The following KLF15 variants were observed in gnomAD, a reference collection of about 807,000 sequenced individuals.
The protein encoded by KLF15 is Krueppel-like factor 15.
KLF15 carries 4 observed loss-of-function variants against 24.6 expected under a neutral mutation model. The ratio of observed to expected loss-of-function variants is 0.16; its 90% CI spans 0.08 to 0.37. KLF15 has a LOEUF of 0.37. Ranked by LOEUF, KLF15 falls within the 10% of genes least tolerant of loss-of-function variation. The pLI is 1.00. For synonymous variants in KLF15, 246 were observed against 236.3 expected, an observed-to-expected ratio of 1.04 and a Z score of -0.37; for missense variants, 496 against 560.6, an observed-to-expected ratio of 0.88 and a Z score of 1.16.
chr3:126,300,000 C>T, the KLF15 span, among the ~76,000 whole-genome samples: 3 of 152,070 alleles, frequency 2.0e-5, no homozygotes, highest in Non-Finnish European at 2.9e-5. Flanking sequence ...ATGGGGTGTA[C>T]GTGCCCCCAC....
chr3:126,291,736 C>T, the KLF15 span, among the ~76,000 whole-genome samples: 1 of 152,248 alleles, frequency 6.6e-6, no homozygotes, highest in East Asian at 1.9e-4. Context: ...CTGTGGCTTG[C>T]TGATCAGCTG....
At chr3:126,312,583 G>A in the KLF15 span, among the ~76,000 whole-genome samples, 1,164 of 152,292 alleles carry the variant, frequency 7.6e-3, 9 homozygotes, top group African/African-American at 0.026. Flanking sequence ...CCAGCAATGC[G>A]CTAAGTGCTT....
the KLF15 span, among the ~76,000 whole-genome samples, chr3:126,311,953 C>T: frequency 6.6e-6 from 1 of 152,182 alleles, no homozygotes. Context: ...GTTGGATCCA[C>T]ATTTATGCAC....
At chr3:126,316,541 C>CGGAGTAGGGGAGGGAGTACACGGGCA in the KLF15 span, among the ~76,000 whole-genome samples, 1 of 145,450 alleles carries the variant, frequency 6.9e-6, no homozygotes, top group Non-Finnish European at 1.5e-5. Flanking sequence ...GTACATGGGC[C>CGGAGTAGGGGAGGGAGTACACGGGCA]GGAGTGGGGA....
At chr3:126,312,484 G>A in the KLF15 span, among the ~76,000 whole-genome samples, 48 of 152,252 alleles carry the variant, frequency 3.2e-4, no homozygotes, top group South Asian at 7.7e-3. Context: ...CAGAACCTGA[G>A]TATTCAATGT....
At chr3:126,306,644 A>G in the KLF15 span, among the ~76,000 whole-genome samples, 1 of 152,236 alleles carries the variant, frequency 6.6e-6, no homozygotes, top group African/African-American at 2.4e-5. Context: ...ATGTGCACAA[A>G]TAGGCACAAG....
At chr3:126,339,479 C>A (rs1354559595), downstream of KLF15, among the ~76,000 whole-genome samples, 2 of 152,130 alleles carry the variant, frequency 1.3e-5, no homozygotes, top group South Asian at 2.1e-4. Flanking sequence ...TGTGCACTTT[C>A]CAGGAGTGTT....
At chr3:126,320,232 C>T in the KLF15 span, among the ~76,000 whole-genome samples, 16 of 152,194 alleles carry the variant, frequency 1.1e-4, 1 homozygote, top group Admixed American at 9.8e-4. Context: ...TGATTGGTGG[C>T]TGCCCTGCAG....
chr3:126,313,945 T>C, the KLF15 span, among the ~76,000 whole-genome samples: 4 of 152,154 alleles, frequency 2.6e-5, no homozygotes, highest in Admixed American at 2.0e-4. Context: ...GTAAATAAAG[T>C]TTTATTGGCA....
the KLF15 span, among the ~76,000 whole-genome samples, chr3:126,316,384 C>G: frequency 0.018 from 1,778 of 96,230 alleles, 12 homozygotes; most frequent in Non-Finnish European, 0.027. Context: ...GGGAGTCCAC[C>G]GGCTGGAGCA....
chr3:126,289,735 A>G, the KLF15 span, among the ~76,000 whole-genome samples: 7 of 152,344 alleles, frequency 4.6e-5, no homozygotes, highest in Admixed American at 4.6e-4. Flanking sequence ...AACTTATTTT[A>G]TCATTCCGTT....
chr3:126,323,421 A>ATATATAAAACATATATATGT, the KLF15 span, among the ~76,000 whole-genome samples: 1 of 35,470 alleles, frequency 2.8e-5, no homozygotes, highest in Non-Finnish European at 5.0e-5. Flanking sequence ...ATATATATAT[A>ATATATAAAACATATATATGT]TATATATATA....
the KLF15 span, among the ~76,000 whole-genome samples, chr3:126,335,959 T>C: frequency 6.7e-6 from 1 of 149,632 alleles, no homozygotes; most frequent in Non-Finnish European, 1.5e-5. Context: ...TCCATGCTCA[T>C]GGGCAGGAAG....
the KLF15 span, among the ~76,000 whole-genome samples, chr3:126,296,766 C>A: frequency 1.3e-5 from 2 of 152,204 alleles, no homozygotes; most frequent in Non-Finnish European, 2.9e-5. Flanking sequence ...ATTAAGGCAG[C>A]TTCCATTCTC....
the KLF15 span, among the ~76,000 whole-genome samples, chr3:126,310,679 G>C: frequency 1.3e-5 from 2 of 152,102 alleles, no homozygotes; most frequent in East Asian, 1.9e-4. Context: ...GTCCTCACAT[G>C]GTCTTCCATC....
intron 2 of KLF15, among the ~76,000 whole-genome samples, 167 bp from the exon 3 acceptor site, chr3:126,344,062 G>T (rs2082510131): frequency 6.6e-6 from 1 of 152,176 alleles, no homozygotes; most frequent in South Asian, 2.1e-4. Flanking sequence ...ATCTACGTCG[G>T]TAAGGCTATA....
intron 2 of KLF15, among the ~76,000 whole-genome samples, chr3:126,344,990 C>T (rs1263875179): frequency 2.0e-5 from 3 of 152,176 alleles, no homozygotes; most frequent in Admixed American, 2.0e-4. Flanking sequence ...CCCACCCCAC[C>T]TACCCCTCCC....
At chr3:126,322,485 G>A in the KLF15 span, among the ~76,000 whole-genome samples, 1 of 151,930 alleles carries the variant, frequency 6.6e-6, no homozygotes, top group Non-Finnish European at 1.5e-5. Flanking sequence ...ACTGCCCCTC[G>A]CATAAGGACC....
At chr3:126,297,367 AT>A in the KLF15 span, among the ~76,000 whole-genome samples, 1 of 152,180 alleles carries the variant, frequency 6.6e-6, no homozygotes, top group Non-Finnish European at 1.5e-5. Flanking sequence ...TTAATTTATT[AT>A]TGCCCCACTA....
Sources: gnomAD v4.1 joint callset for allele counts (sites outside exome capture counted in the v4.1 genomes callset) on GRCh38, gnomAD v4.1.1 for gene constraint, MANE v1.5 for transcripts, NCBI Gene and HGNC (gene_info 2026-07-23, HGNC 2026-07-21) for gene names.